PGAP6: variants seen among roughly 807,000 people sequenced by gnomAD.
PGAP6 encodes post-GPI attachment to proteins factor 6.
A neutral mutation model predicts 68.4 loss-of-function variants in PGAP6; 62 were observed. The ratio of observed to expected loss-of-function variants is 0.91; its 90% CI spans 0.74 to 1.12. The LOEUF (loss-of-function observed/expected upper bound fraction) is 1.12. PGAP6 is among the 50% of genes most tolerant of loss of function. PGAP6 has a pLI of 0.00. For synonymous variants in PGAP6, 575 were observed against 474.0 expected (o/e 1.21, Z -2.77); for missense variants, 1,188 against 1,068.5 (o/e 1.11, Z -1.56).
upstream of PGAP6, chr16:386,741 A>G: frequency 2.0e-6 from 1 of 496,034 alleles, no homozygotes; most frequent in Non-Finnish European, 3.7e-6. Context: ...AAAAAAAAAA[A>G]AAAAATTGGC....
At chr16:378,229 G>A (rs2054405660) in intron 1 of PGAP6, among the ~76,000 whole-genome samples, 1 of 147,348 alleles carries the variant, frequency 6.8e-6, no homozygotes, top group Admixed American at 6.7e-5. Context: ...CACCCTGACT[G>A]CCATCGCCAC....
chr16:377,867 G>A lies in PGAP6; in HGVS notation c.122-19C>T, dbSNP rs376362243. The stretch of plus-strand genomic sequence containing the variant: ...CCCACCTCTGTGAGGAGAAGGAGGT[G>A]TCAGCCAGGCCGGGACCCTCCTCCA... On this transcript the variant is annotated intron_variant, in intron 1 of 12. Transcript: ENST00000431232. 7 of 1,541,060 alleles carry A rather than the reference G, an allele frequency of 4.5e-6. No homozygotes were observed. The highest frequency in any genetic ancestry group is 5.3e-6 in the Non-Finnish European group (6 of 1,141,642).
At chr16:377,902 A>G in intron 1 of PGAP6, 54 bp from the exon 2 acceptor site, 1 of 1,468,564 alleles carries the variant, frequency 6.8e-7, no homozygotes, top group East Asian at 2.5e-5. Flanking sequence ...AGGGCCGCAG[A>G]TGGGGAGGAC....
In PGAP6 at chr16:375,136, G is replaced by A. The variant is rs138221169; in HGVS notation, c.1436C>T (p.Ala479Val). The change falls in exon 8 of 13, where the codon GCT (alanine) becomes GTT (valine). Residue 479 changes from alanine (A) to valine (V), a missense_variant. Physicochemically the swap from Ala to Val is moderately conservative, Grantham distance 64 (BLOSUM62 0). Coordinates refer to ENST00000431232, the MANE Select transcript of PGAP6 (RefSeq NM_021259.3). ...TCTCTGCCCTAGGTTTACTTACTCA[G>A]CATTCTCAGGGCACATGAGCTGCAG... ...LSLQLMCPEN[A>V]EDCEQAVVHV... The A allele has an allele frequency of 3.1e-6, 5 of 1,613,130 alleles. No homozygotes were observed. The African/African-American group carries it at 6.7e-5, about 22-fold the overall frequency.
At position 374,025 on chromosome 16, in the gene PGAP6, G is replaced by C. The variant is rs747766046; in HGVS notation, c.1882C>G (p.Leu628Val). ...CTCACGTATTTCAGGACTGTCTTGA[G>C]CCGTGCCATGCACAGGATGGTGACC... ...IWVTILCMARLKTVLKYVLFL... is the reference protein window; with the variant it reads ...IWVTILCMARVKTVLKYVLFL... Residue 628 changes from leucine to valine, a missense_variant, in exon 11 of 13, where the codon CTC becomes GTC. By Grantham distance (32) the Leu-to-Val change is conservative. Transcript: ENST00000431232. 3.1e-6 allele frequency: 5 copies of C among 1,611,064 alleles called. No individual in the cohort carries two copies. Among genetic ancestry groups the C allele is most frequent in the Non-Finnish European group, 4.2e-6 (5 of 1,179,806 alleles).
rs767862623 is a variant in PGAP6 at position 374,814 on chromosome 16, GCCATAGGGT to G, written c.1509_1517del (p.Pro504_Gly506del). The stretch of plus-strand genomic sequence containing the variant: ...TGTGTCTGCGGAGCAGGAGGCACTG[GCCATAGGGT>G]CCACAATCGTTCAAACAGGGCACCA... On this transcript the variant is annotated inframe_deletion, in exon 9 of 13. Coordinates refer to ENST00000431232, the MANE Select transcript of PGAP6 (RefSeq NM_021259.3). The G allele has an allele frequency of 6.2e-7, 1 of 1,612,866 alleles. No homozygotes were observed.
chr16:376,773 C>T lies in PGAP6; in HGVS notation c.675G>A (p.Glu225=), dbSNP rs143803176. 351 of 1,610,390 alleles carry T rather than the reference C, an allele frequency of 2.2e-4. No individual in the cohort carries two copies. Among genetic ancestry groups the T allele is most frequent in the Non-Finnish European group, 2.8e-4 (330 of 1,179,920 alleles). The part of the protein sequence containing the change: ...VPDYTRELLL[E]LRDCVSNGSL... Reference sequence around the variant, plus strand: ...TCCCATTGGACACGCAGTCCCGCAGCTCCAGCAGAAGCTCCCGCGTGTAAT... The same window carrying T: ...TCCCATTGGACACGCAGTCCCGCAGTTCCAGCAGAAGCTCCCGCGTGTAAT... Residue 225 remains glutamate (E), a synonymous_variant, in exon 5 of 13, where the codon GAG becomes GAA. Coordinates refer to ENST00000431232, the MANE Select transcript of PGAP6 (RefSeq NM_021259.3).
In PGAP6 at chr16:374,076, A is replaced by G; in HGVS notation, c.1831T>C (p.Phe611Leu). The G allele has an allele frequency of 6.2e-7, 1 of 1,612,132 alleles. No homozygotes were observed. ...CAGATGGCCGCCCCGGAGCCCAAGA[A>G]GTCGCAGTACTGCAGCGTGTCGTAG... is the stretch of plus-strand genomic sequence containing the variant. ...LSYDTLQYCD[F>L]LGSGAAIWVT... Residue 611 changes from phenylalanine to leucine, a missense_variant, in exon 11 of 13, where the codon TTC becomes CTC. Coordinates refer to ENST00000431232, the MANE Select transcript of PGAP6 (RefSeq NM_021259.3).
upstream of PGAP6, chr16:386,726 C>CAAAAAAAAAAAAAAA: frequency 3.2e-6 from 1 of 311,116 alleles, no homozygotes; most frequent in Non-Finnish European, 6.0e-6. Flanking sequence ...AAAAAAAAAC[C>CAAAAAAAAAAAAAAA]AAAAAAAAAA....
intron 11 of PGAP6, 128 bp downstream of exon 11, chr16:373,877 G>C (rs552007297): frequency 1.8e-5 from 22 of 1,210,286 alleles, no homozygotes; most frequent in Non-Finnish European, 2.5e-5. Flanking sequence ...ATGCTCGGCC[G>C]AGATGTGAGG....
rs1567327235 is a variant in PGAP6, at chr16:381,903, TCCGCCTCTGCC to T, written c.-93_-83del. ...CGCCGCCCGGGCAGCCTCTGCCGCC[TCCGCCTCTGCC>T]GCCTCCGCCTCTGCCCCCGGCGCCC... On this transcript the variant is annotated 5_prime_UTR_variant, in exon 1 of 13. It removes the in-frame stop codon of an upstream open reading frame in the 5' UTR. Coordinates refer to ENST00000431232, the MANE Select transcript of PGAP6 (RefSeq NM_021259.3). 3.2e-5 allele frequency: 6 copies of T among 185,032 alleles called. No homozygotes were observed. The highest frequency in any genetic ancestry group is 1.9e-3 in the Middle Eastern group (1 of 526). 11.5% of individuals were successfully genotyped at this position (185,032 alleles called of 1,614,324 possible). A position where few individuals can be genotyped will look rare whatever the true frequency, so the allele number is the denominator to read the frequency against.
Position 375,026 on chromosome 16 carries a change from C to G in PGAP6, c.1439+107G>C, listed in dbSNP as rs2054369021. 7.6e-6 allele frequency: 12 copies of G among 1,573,816 alleles called. No homozygotes were observed. In the South Asian group the frequency reaches 1.2e-4, roughly 16 times the overall value. ...GCTTTCAGCAGCCCTGGAGGAAGCA[C>G]CCCTCTAGCTGGGTCACTCCGAACG... is the stretch of plus-strand genomic sequence containing the variant. On this transcript the variant is annotated intron_variant, in intron 8 of 12. Coordinates refer to ENST00000431232, the MANE Select transcript of PGAP6 (RefSeq NM_021259.3).
At chr16:375,528 C>A in intron 6 of PGAP6, 93 bp from the exon 7 acceptor site, 2 of 1,052,704 alleles carry the variant, frequency 1.9e-6, no homozygotes, top group Non-Finnish European at 2.8e-6. Context: ...GGTGCTGGTG[C>A]CTTTCTTTTT....
chr16:374,474 T>C, intron 9 of PGAP6, 75 bp from the exon 10 acceptor site: 1 of 1,422,746 alleles, frequency 7.0e-7, no homozygotes. Context: ...CCCAGGACCC[T>C]GCAGAGAAGC....
upstream of PGAP6, chr16:386,726 C>CAAAAAAAAAAAAAAAAAAAAAAAAACA: frequency 3.2e-6 from 1 of 311,116 alleles, no homozygotes; most frequent in Non-Finnish European, 6.0e-6. Context: ...AAAAAAAAAC[C>CAAAAAAAAAAAAAAAAAAAAAAAAACA]AAAAAAAAAA....
rs2054379922 is a variant in PGAP6 at position 376,130 on chromosome 16, A to G, written c.1224+6T>C. On this transcript the variant is annotated splice_donor_region_variant and intron_variant, in intron 6 of 12. Coordinates refer to ENST00000431232, the MANE Select transcript of PGAP6 (RefSeq NM_021259.3). Reference sequence around the variant, plus strand: ...AGGCCACAGGCCGCTTGCAGACAGCAGGTACCTTGTTGGCCCGCAGGGAGA... The same window carrying G: ...AGGCCACAGGCCGCTTGCAGACAGCGGGTACCTTGTTGGCCCGCAGGGAGA... 1.9e-6 allele frequency: 3 copies of G among 1,597,120 alleles called. No homozygotes were observed. The highest frequency in any genetic ancestry group is 1.7e-4 in the Middle Eastern group (1 of 5,990).
chr16:386,884 G>A (rs947159111), upstream of PGAP6: 6 of 636,796 alleles, frequency 9.4e-6, no homozygotes, highest in Middle Eastern at 2.7e-4. Context: ...AAGAAGACCC[G>A]CACGTCACTC....
At chr16:377,292 G>A (rs992318948) in intron 3 of PGAP6, 86 bp downstream of exon 3, 7 of 1,567,630 alleles carry the variant, frequency 4.5e-6, no homozygotes, top group East Asian at 2.3e-5. Context: ...AGCCTAGAGC[G>A]AGGACCACCC....
intron 1 of PGAP6, among the ~76,000 whole-genome samples, chr16:379,035 A>G (rs2054416738): frequency 6.6e-6 from 1 of 152,106 alleles, no homozygotes; most frequent in Admixed American, 6.5e-5. Flanking sequence ...CCTGGGTCCC[A>G]GCCTTCTCCT....
Sources: gnomAD v4.1 joint callset for allele counts (sites outside exome capture counted in the v4.1 genomes callset) on GRCh38, gnomAD v4.1.1 for gene constraint, MANE v1.5 for transcripts, NCBI Gene and HGNC (gene_info 2026-07-23, HGNC 2026-07-21) for gene names.